The following MOB3B variants were observed in gnomAD, a reference collection of about 807,000 sequenced individuals.
MOB3B encodes MOB kinase activator 3B, also known as MOB kinase activator-like 2B.
Under a neutral mutation model 18.7 loss-of-function variants are expected in MOB3B, and 7 were observed. The ratio of observed to expected loss-of-function variants is 0.37; its 90% CI spans 0.21 to 0.70. The LOEUF (loss-of-function observed/expected upper bound fraction) is 0.70. Among genes scored for constraint, MOB3B ranks in the 30% least tolerant of loss-of-function variants. MOB3B has a pLI of 0.52. For synonymous variants in MOB3B, 111 were observed against 99.9 expected, an observed-to-expected ratio of 1.11 and a Z score of -0.66; for missense variants, 253 against 281.3, an observed-to-expected ratio of 0.90 and a Z score of 0.72.
intron 3 of MOB3B, among the ~76,000 whole-genome samples, chr9:27,340,704 G>T (rs1820927648): frequency 6.6e-6 from 1 of 152,144 alleles, no homozygotes; most frequent in African/African-American, 2.4e-5. Context: ...GATCCAACCT[G>T]ATTTCTGCTC....
intron 3 of MOB3B, among the ~76,000 whole-genome samples, chr9:27,354,958 G>A (rs1294689442): frequency 6.6e-6 from 1 of 152,156 alleles, no homozygotes; most frequent in Non-Finnish European, 1.5e-5. Context: ...ACTTCCACGT[G>A]ACTAACCCAT....
intron 1 of MOB3B, among the ~76,000 whole-genome samples, chr9:27,501,134 T>G (rs951709827): frequency 6.6e-6 from 1 of 152,110 alleles, no homozygotes. Flanking sequence ...GAAATAGGAA[T>G]GCTATTACAC....
intron 1 of MOB3B, among the ~76,000 whole-genome samples, chr9:27,479,082 C>T (rs566226425): frequency 1.3e-5 from 2 of 152,220 alleles, no homozygotes; most frequent in South Asian, 4.1e-4. Context: ...GGTATTTTAA[C>T]CTGTTTTACG....
intron 1 of MOB3B, among the ~76,000 whole-genome samples, chr9:27,508,976 G>C (rs1257518917): frequency 6.6e-6 from 1 of 152,150 alleles, no homozygotes; most frequent in East Asian, 1.9e-4. Flanking sequence ...AGCAAGGTAT[G>C]GGCAGAGCAA....
At chr9:27,461,775 T>C (rs1381135823) in intron 1 of MOB3B, among the ~76,000 whole-genome samples, 1 of 152,236 alleles carries the variant, frequency 6.6e-6, no homozygotes, top group African/African-American at 2.4e-5. Flanking sequence ...TGTAACCTTA[T>C]ACACTGTAGC....
At chr9:27,402,349 T>C (rs963479673) in intron 2 of MOB3B, among the ~76,000 whole-genome samples, 1 of 152,202 alleles carries the variant, frequency 6.6e-6, no homozygotes, top group Admixed American at 6.5e-5. Context: ...CGGTCTATCT[T>C]GATTCCCACA....
At chr9:27,491,871 T>TCAA (rs749464865) in intron 1 of MOB3B, among the ~76,000 whole-genome samples, 3 of 152,292 alleles carry the variant, frequency 2.0e-5, no homozygotes, top group East Asian at 1.9e-4. Flanking sequence ...AGACTCTGTC[T>TCAA]CAACAACAAC....
chr9:27,368,105 T>C (rs1277983231), intron 2 of MOB3B, among the ~76,000 whole-genome samples: 1 of 151,998 alleles, frequency 6.6e-6, no homozygotes, highest in Non-Finnish European at 1.5e-5. Flanking sequence ...AAAGAAAACA[T>C]ACCTCCTCTG....
Position 27,382,384 on chromosome 9 carries a change from G to C in MOB3B, c.419-23148C>G, listed in dbSNP as rs112545417. Among the ~76,000 whole-genome samples, 848 of 152,176 alleles carry C rather than the reference G, an allele frequency of 5.6e-3. 6 individuals are homozygous for C. The highest frequency in any genetic ancestry group is 0.017 in the Middle Eastern group (5 of 294). ...CAGGTTCCCCTTAACACACTGAGTA[G>C]GATCAACTGTTCCTAGTTATTCCTG... On this transcript the variant is annotated intron_variant, in intron 2 of 3. Coordinates refer to ENST00000262244, the MANE Select transcript of MOB3B (RefSeq NM_024761.5).
At position 27,455,515 on chromosome 9, in the gene MOB3B, G is replaced by A. The variant is rs1822856153; in HGVS notation, c.36C>T (p.Asp12=). The change falls in exon 2 of 4, where the codon GAC becomes GAT. Residue 12 remains aspartate, a synonymous_variant. Coordinates refer to ENST00000262244, the MANE Select transcript of MOB3B (RefSeq NM_024761.5). ...ATTTCCTCTTGGGTCGGAAGGTCTT[G>A]TCCTTGTTGAATACCTGCTTCAGGG... ...SIALKQVFNK[D]KTFRPKRKFE... The A allele has an allele frequency of 1.2e-6, 2 of 1,614,048 alleles. No individual in the cohort carries two copies. Among genetic ancestry groups the A allele is most frequent in the Non-Finnish European group, 1.7e-6 (2 of 1,180,020 alleles).
intron 2 of MOB3B, among the ~76,000 whole-genome samples, chr9:27,395,479 T>A (rs1821786056): frequency 6.6e-6 from 1 of 152,072 alleles, no homozygotes; most frequent in East Asian, 1.9e-4. Flanking sequence ...TGTTGATAGG[T>A]TGGTATGCCC....
intron 2 of MOB3B, among the ~76,000 whole-genome samples, chr9:27,366,084 T>C (rs1336082170): frequency 6.6e-6 from 1 of 151,724 alleles, no homozygotes; most frequent in Non-Finnish European, 1.5e-5. Context: ...GTAAGGAGAG[T>C]GCAGGCCTGG....
chr9:27,413,599 A>G (rs1182175893), intron 2 of MOB3B, among the ~76,000 whole-genome samples: 1 of 152,236 alleles, frequency 6.6e-6, no homozygotes, highest in Non-Finnish European at 1.5e-5. Context: ...GAGGGGAAAG[A>G]GCGAAGTTAG....
chr9:27,505,834 G>T (rs1820050388), intron 1 of MOB3B, among the ~76,000 whole-genome samples: 2 of 152,102 alleles, frequency 1.3e-5, no homozygotes. Flanking sequence ...TCTCAGCTCT[G>T]CCTGGAAACT....
At chr9:27,424,497 T>C (rs1354141748) in intron 2 of MOB3B, among the ~76,000 whole-genome samples, 1 of 152,198 alleles carries the variant, frequency 6.6e-6, no homozygotes, top group Non-Finnish European at 1.5e-5. Context: ...CATCTGTTCT[T>C]ATATGAATCA....
At chr9:27,378,950 T>C (rs1036619194) in intron 2 of MOB3B, among the ~76,000 whole-genome samples, 1 of 152,236 alleles carries the variant, frequency 6.6e-6, no homozygotes, top group African/African-American at 2.4e-5. Flanking sequence ...GCTTGCTCTC[T>C]TTCCACTGCT....
Position 27,395,850 on chromosome 9 carries a change from G to A in MOB3B, c.419-36614C>T, listed in dbSNP as rs145017900. On this transcript the variant is annotated intron_variant, in intron 2 of 3. Transcript: ENST00000262244. Reference sequence around the variant, plus strand: ...TGCTCCTCAGTGGCATCTACACAATGGAGATAACAATAGGACTCGTTCAAG... The same window carrying A: ...TGCTCCTCAGTGGCATCTACACAATAGAGATAACAATAGGACTCGTTCAAG... 4.1e-3 allele frequency among the ~76,000 whole-genome samples: 621 copies of A among 152,278 alleles called. 1 individual carries two copies. The highest frequency in any genetic ancestry group is 6.9e-3 in the Non-Finnish European group (467 of 68,034).
At chr9:27,341,925 C>T (rs554450118) in intron 3 of MOB3B, among the ~76,000 whole-genome samples, 34 of 152,242 alleles carry the variant, frequency 2.2e-4, no homozygotes, top group Admixed American at 4.6e-4. Flanking sequence ...CCAGTCCACA[C>T]CTGTTTTTGT....
intron 2 of MOB3B, among the ~76,000 whole-genome samples, chr9:27,377,413 C>G (rs1821505063): frequency 6.6e-6 from 1 of 152,130 alleles, no homozygotes; most frequent in Non-Finnish European, 1.5e-5. Flanking sequence ...AAATACACGG[C>G]TAGAGAGCCG....
Sources: gnomAD v4.1 joint callset for allele counts (sites outside exome capture counted in the v4.1 genomes callset) on GRCh38, gnomAD v4.1.1 for gene constraint, MANE v1.5 for transcripts, NCBI Gene and HGNC (gene_info 2026-07-23, HGNC 2026-07-21) for gene names.